Variants in TMEM232 observed in about 807,000 individuals in gnomAD.
The protein encoded by TMEM232 is transmembrane protein 232.
TMEM232 carries 80 observed loss-of-function variants against 78.8 expected under a neutral mutation model. The observed-to-expected ratio is 1.01, with a 90% CI of 0.85 to 1.22. The LOEUF is 1.22. Ranked by LOEUF, TMEM232 falls within the 50% of genes most tolerant of loss-of-function variation. TMEM232 has a pLI of 0.00. For synonymous variants in TMEM232, 297 were observed against 254.3 expected (o/e 1.17, Z -1.60); for missense variants, 881 against 742.2 (o/e 1.19, Z -2.17).
chr5:110,621,911 C>A (rs1348160936), intron 7 of TMEM232, among the ~76,000 whole-genome samples: 1 of 152,086 alleles, frequency 6.6e-6, no homozygotes, highest in Non-Finnish European at 1.5e-5. Context: ...GATAACAACA[C>A]CAGTTTAGAT....
chr5:110,499,632 C>A (rs866581758), intron 12 of TMEM232, among the ~76,000 whole-genome samples: 2 of 124,236 alleles, frequency 1.6e-5, no homozygotes, highest in Non-Finnish European at 3.1e-5. Flanking sequence ...TATACACCCC[C>A]CCCCACACAC....
chr5:110,587,164 A>T (rs1447705815), intron 10 of TMEM232, among the ~76,000 whole-genome samples: 3 of 152,112 alleles, frequency 2.0e-5, no homozygotes, highest in Non-Finnish European at 2.9e-5. Flanking sequence ...GGCATTATAT[A>T]TGTATGTGTG....
chr5:110,628,861 G>A (rs1784762432), intron 5 of TMEM232: 3 of 152,074 alleles, frequency 2.0e-5, no homozygotes, highest in African/African-American at 7.2e-5. Flanking sequence ...AGGAATGTAT[G>A]TATTGCTCCA....
intron 11 of TMEM232, among the ~76,000 whole-genome samples, chr5:110,559,259 A>G (rs1246757626): frequency 1.3e-5 from 2 of 152,208 alleles, no homozygotes; most frequent in East Asian, 1.9e-4. Context: ...ATATAGAAAG[A>G]TATCTTTCTG....
At chr5:110,672,114 T>C (rs1315470067) in intron 1 of TMEM232, among the ~76,000 whole-genome samples, 1 of 152,208 alleles carries the variant, frequency 6.6e-6, no homozygotes, top group Non-Finnish European at 1.5e-5. Flanking sequence ...CAAATTGACC[T>C]GAAGCTTTTG....
At chr5:110,511,455 GA>G (rs1003960583) in intron 12 of TMEM232, among the ~76,000 whole-genome samples, 1 of 150,082 alleles carries the variant, frequency 6.7e-6, no homozygotes, top group South Asian at 2.1e-4. Context: ...AAAAAAAAAA[GA>G]AAAAGAAAAA....
intron 12 of TMEM232, among the ~76,000 whole-genome samples, chr5:110,486,948 C>T (rs11950236): frequency 0.15 from 23,277 of 151,748 alleles, 4,605 homozygotes; most frequent in African/African-American, 0.47. Context: ...TTAATGAGCA[C>T]GGGATGTGTT....
chr5:110,408,771 C>T (rs1755886014), intron 2 of TMEM232, among the ~76,000 whole-genome samples: 1 of 151,914 alleles, frequency 6.6e-6, no homozygotes, highest in Non-Finnish European at 1.5e-5. Flanking sequence ...TACAGTGAGT[C>T]ATTAGAGATT....
At chr5:110,391,324 T>TGAGAGAGAGAGAGA (rs1235654874) in intron 3 of TMEM232, among the ~76,000 whole-genome samples, 1 of 132,322 alleles carries the variant, frequency 7.6e-6, no homozygotes, top group African/African-American at 3.3e-5. Context: ...TGTGTGTGTG[T>TGAGAGAGAGAGAGA]GTGAGAGAGA....
chr5:110,705,646 C>A (rs1795845530), intron 1 of TMEM232, among the ~76,000 whole-genome samples: 1 of 149,360 alleles, frequency 6.7e-6, no homozygotes, highest in Non-Finnish European at 1.5e-5. Context: ...AAATATAGAC[C>A]CTCTTTTTTC....
intron 1 of TMEM232, among the ~76,000 whole-genome samples, chr5:110,693,225 AG>A (rs1416544325): frequency 6.6e-6 from 1 of 152,216 alleles, no homozygotes; most frequent in African/African-American, 2.4e-5. Context: ...AAACTCCAAC[AG>A]ACCTGCAGCT....
chr5:110,724,457 A>G (rs1367176102), intron 1 of TMEM232, among the ~76,000 whole-genome samples: 1 of 152,228 alleles, frequency 6.6e-6, no homozygotes, highest in Non-Finnish European at 1.5e-5. Flanking sequence ...TCAGGTCCCT[A>G]AACACTGCTC....
chr5:110,412,529 C>T (rs951537660), intron 2 of TMEM232, among the ~76,000 whole-genome samples: 4 of 151,636 alleles, frequency 2.6e-5, no homozygotes, highest in African/African-American at 4.9e-5. Context: ...ATCAACACCA[C>T]TGTATTAACT....
intron 12 of TMEM232, among the ~76,000 whole-genome samples, chr5:110,496,838 T>G (rs1402056943): frequency 6.6e-6 from 1 of 152,006 alleles, no homozygotes; most frequent in Non-Finnish European, 1.5e-5. Flanking sequence ...AAGAATATAA[T>G]TCTATGTCAC....
intron 10 of TMEM232, among the ~76,000 whole-genome samples, chr5:110,570,929 A>C (rs758224913): frequency 1.3e-5 from 2 of 151,964 alleles, no homozygotes; most frequent in Non-Finnish European, 2.9e-5. Flanking sequence ...CCCTCTTGCT[A>C]ATACACTACA....
chr5:110,603,377 T>C (rs1233502519), intron 10 of TMEM232, among the ~76,000 whole-genome samples: 1 of 152,048 alleles, frequency 6.6e-6, no homozygotes, highest in Non-Finnish European at 1.5e-5. Flanking sequence ...AAACGTGCAA[T>C]CCCATCATCA....
chr5:110,689,473 C>G (rs987970043), intron 1 of TMEM232, among the ~76,000 whole-genome samples: 5 of 151,960 alleles, frequency 3.3e-5, no homozygotes, highest in Non-Finnish European at 5.9e-5. Context: ...ATACTGAAAA[C>G]TGAAGCATTT....
At chr5:110,657,775 C>T (rs932084630) in intron 2 of TMEM232, among the ~76,000 whole-genome samples, 4 of 152,052 alleles carry the variant, frequency 2.6e-5, no homozygotes, top group African/African-American at 7.2e-5. Context: ...AGAAATAATA[C>T]ATGTTTAAAG....
intron 7 of TMEM232, among the ~76,000 whole-genome samples, chr5:110,620,062 T>C (rs368330338): frequency 3.3e-5 from 5 of 152,306 alleles, no homozygotes; most frequent in East Asian, 3.9e-4. Context: ...CATTAATGTA[T>C]TTATGTACCA....
Sources: allele counts gnomAD v4.1 joint callset (sites outside exome capture counted in the v4.1 genomes callset), GRCh38; gene constraint gnomAD v4.1.1; transcripts MANE v1.5; gene names NCBI Gene and HGNC (gene_info 2026-07-23, HGNC 2026-07-21).